Variants in LAMP2 observed in about 807,000 individuals in gnomAD.
LAMP2 encodes the protein lysosome-associated membrane glycoprotein 2.
LAMP2 carries 4 observed loss-of-function variants against 25.6 expected under a neutral mutation model. The observed-to-expected ratio is 0.16, with a 90% CI of 0.08 to 0.36. LAMP2 has a LOEUF of 0.36. Ranked by LOEUF, LAMP2 falls within the 10% of genes least tolerant of loss-of-function variation. The pLI, the probability that LAMP2 is intolerant of heterozygous loss-of-function variation, is 1.00. For missense variants in LAMP2, 272 were observed against 301.4 expected (o/e 0.90, Z 0.72); for synonymous variants, 108 against 112.7 (o/e 0.96, Z 0.27).
intron 8 of LAMP2, chrX:120,437,104 A>G (rs1056950878): frequency 9.4e-6 from 7 of 747,835 alleles, no homozygotes; most frequent in Non-Finnish European, 1.1e-5. Context: ...AATCCCTAAG[A>G]AGTGTTTTAA....
chrX:120,454,999 G>GTA (rs1303270677), intron 3 of LAMP2, among the ~76,000 whole-genome samples: 1 of 98,726 alleles, frequency 1.0e-5, no homozygotes, highest in African/African-American at 3.7e-5. Flanking sequence ...GGATATGTGT[G>GTA]TATATATATA....
At chrX:120,453,077 G>A (rs1324932824) in intron 3 of LAMP2, among the ~76,000 whole-genome samples, 3 of 110,902 alleles carry the variant, frequency 2.7e-5, no homozygotes, top group Non-Finnish European at 5.7e-5. Context: ...ATGTAACTCG[G>A]GAATAGCATT....
At chrX:120,454,914 TAC>T (rs1359256217) in intron 3 of LAMP2, among the ~76,000 whole-genome samples, 21 of 69,806 alleles carry the variant, frequency 3.0e-4, no homozygotes, top group South Asian at 1.5e-3. Context: ...TATATATATA[TAC>T]ACACACACAC....
chrX:120,454,527 A>G (rs1035492740), intron 3 of LAMP2, among the ~76,000 whole-genome samples: 1 of 110,310 alleles, frequency 9.1e-6, no homozygotes, highest in Admixed American at 9.7e-5. Flanking sequence ...GTGAGGCATG[A>G]GGATCGCTTG....
At position 120,461,483 on chromosome X, in the gene LAMP2, T is replaced by C. The variant is rs753743853; in HGVS notation, c.65-4714A>G. ...TAGTATACAGTAAGTAATTTGTTACTAATAAAAAAAGTACCAAGTCTGTGA... is the reference window on the plus strand; with the variant it reads ...TAGTATACAGTAAGTAATTTGTTACCAATAAAAAAAGTACCAAGTCTGTGA... On this transcript the variant is annotated intron_variant, in intron 1 of 8. Transcript: ENST00000200639. 1.6e-4 allele frequency among the ~76,000 whole-genome samples: 18 copies of C among 111,896 alleles called. No individual in the cohort carries two copies. In the East Asian group the frequency reaches 5.0e-3, roughly 31 times the overall value.
chrX:120,453,812 TAATAA>T (rs752315784), intron 3 of LAMP2, among the ~76,000 whole-genome samples: 267 of 112,047 alleles, frequency 2.4e-3, no homozygotes, highest in African/African-American at 8.1e-3. Context: ...CAGCTCAAAA[TAATAA>T]AATAAAATAA....
At chrX:120,463,642 T>C (rs762422941) in intron 1 of LAMP2, among the ~76,000 whole-genome samples, 1 of 111,944 alleles carries the variant, frequency 8.9e-6, no homozygotes, top group Non-Finnish European at 1.9e-5. Context: ...TAATGCTTGG[T>C]TATAGACAAA....
chrX:120,469,266 T>C lies in LAMP2; in HGVS notation c.-97A>G, dbSNP rs771371201. ...CTCGCTGGACCTGGGTCAAGAGCAC[T>C]GATGACCACCGACCACAGCCTTGCA... On this transcript the variant is annotated 5_prime_UTR_variant, in exon 1 of 9. Coordinates refer to ENST00000200639, the MANE Select transcript of LAMP2 (RefSeq NM_002294.3). 1.0e-5 allele frequency: 9 copies of C among 870,420 alleles called. No homozygotes were observed. In the Admixed American group the frequency reaches 2.2e-4, roughly 21 times the overall value. 71.7% of individuals were successfully genotyped at this position (870,420 alleles called of 1,213,427 possible). A position where few individuals can be genotyped will look rare whatever the true frequency, so the allele number is the denominator to read the frequency against.
intron 8 of LAMP2, among the ~76,000 whole-genome samples, chrX:120,435,031 G>C (rs1387248796): frequency 1.8e-5 from 2 of 111,335 alleles, no homozygotes; most frequent in Non-Finnish European, 3.8e-5. Flanking sequence ...TTGGGAGGCT[G>C]AGGCATAAGA....
chrX:120,436,227 G>A (rs748072730), intron 8 of LAMP2, among the ~76,000 whole-genome samples: 1 of 107,085 alleles, frequency 9.3e-6, no homozygotes, highest in Non-Finnish European at 1.9e-5. Context: ...GACCTACTAC[G>A]TTAAATCCTC....
Position 120,428,249 on chromosome X carries a change from C to A in LAMP2, c.*3074G>T, listed in dbSNP as rs758148695. 3.9e-5 allele frequency: 11 copies of A among 284,389 alleles called. No homozygotes were observed. In the East Asian group the frequency reaches 5.9e-4, roughly 15 times the overall value. The allele number at this position is 284,389 out of a possible 1,213,427, so 23.4% of individuals were successfully genotyped here. ...AAAATCATTATTTACTTAAAAAATT[C>A]TAAGCCACAATTTTTCTTTTAATTA... On this transcript the variant is annotated 3_prime_UTR_variant, in exon 9 of 9. Coordinates refer to ENST00000200639, the MANE Select transcript of LAMP2 (RefSeq NM_002294.3).
At chrX:120,455,130 G>A (rs2058640502) in intron 3 of LAMP2, among the ~76,000 whole-genome samples, 1 of 104,657 alleles carries the variant, frequency 9.6e-6, no homozygotes, top group Non-Finnish European at 1.9e-5. Flanking sequence ...TGTATACTAG[G>A]ATAATACCTG....
At chrX:120,435,092 T>C (rs1443633101) in intron 8 of LAMP2, among the ~76,000 whole-genome samples, 1 of 111,747 alleles carries the variant, frequency 8.9e-6, no homozygotes, top group Admixed American at 9.5e-5. Flanking sequence ...ATCACACCAC[T>C]ATACACACCC....
At chrX:120,437,321 G>C (rs866171553) in intron 8 of LAMP2, 4 of 732,340 alleles carry the variant, frequency 5.5e-6, no homozygotes, top group Non-Finnish European at 6.4e-6. Flanking sequence ...ATATATGTCT[G>C]TGTGTGTGTA....
chrX:120,429,629 A>G lies in LAMP2; in HGVS notation c.*1694T>C. The G allele has an allele frequency of 1.3e-6, 1 of 753,136 alleles. No individual in the cohort carries two copies. The highest frequency in any genetic ancestry group is 6.8e-5 in the South Asian group (1 of 14,783). 62.1% of individuals were successfully genotyped at this position (753,136 alleles called of 1,213,427 possible). ...AAAGCCCATATTAGTATTAAAAAAA[A>G]AACTTAAGCAAAACATAGTACGGAA... On this transcript the variant is annotated 3_prime_UTR_variant, in exon 9 of 9. Coordinates refer to ENST00000200639, the MANE Select transcript of LAMP2 (RefSeq NM_002294.3).
intron 1 of LAMP2, among the ~76,000 whole-genome samples, chrX:120,462,241 G>A (rs756476387): frequency 9.0e-6 from 1 of 111,038 alleles, no homozygotes; most frequent in Non-Finnish European, 1.9e-5. Flanking sequence ...TGCAGACCTT[G>A]ACCGGGCAGT....
chrX:120,447,646 T>G (rs1356090943), intron 5 of LAMP2, among the ~76,000 whole-genome samples, 195 bp downstream of exon 5: 3 of 98,298 alleles, frequency 3.1e-5, no homozygotes, highest in Admixed American at 1.1e-4. Flanking sequence ...GGAGGCGGAG[T>G]TTGCAGTGAG....
rs1212970747 is a variant in LAMP2 at position 120,428,910 on chromosome X, C to T, written c.*2413G>A. ...GACTTTAGGTTTGATTATCTAATGA[C>T]ACTGGGTTAAGGAGCCATCATCTAC... On this transcript the variant is annotated 3_prime_UTR_variant, in exon 9 of 9. Coordinates refer to ENST00000200639, the MANE Select transcript of LAMP2 (RefSeq NM_002294.3). 6.7e-6 allele frequency: 5 copies of T among 749,816 alleles called. No individual in the cohort carries two copies. Among genetic ancestry groups the T allele is most frequent in the Non-Finnish European group, 6.3e-6 (4 of 638,044 alleles). 61.8% of individuals were successfully genotyped at this position (749,816 alleles called of 1,213,427 possible).
At chrX:120,466,174 T>G (rs949395578) in intron 1 of LAMP2, among the ~76,000 whole-genome samples, 14 of 112,311 alleles carry the variant, frequency 1.2e-4, no homozygotes, top group Non-Finnish European at 5.6e-5. Context: ...GATGAGCTGA[T>G]GGGTTCTTTT....
Sources: gnomAD v4.1 joint callset for allele counts (sites outside exome capture counted in the v4.1 genomes callset) on GRCh38, gnomAD v4.1.1 for gene constraint, MANE v1.5 for transcripts, NCBI Gene and HGNC (gene_info 2026-07-23, HGNC 2026-07-21) for gene names.